MYO10: variants seen among roughly 807,000 people sequenced by gnomAD.
MYO10 encodes myosin X, also known as unconventional myosin-X.
Under a neutral mutation model 257.3 loss-of-function variants are expected in MYO10, and 133 were observed. The observed-to-expected ratio is 0.52, with a 90% CI of 0.45 to 0.60. The LOEUF is 0.60. Among genes scored for constraint, MYO10 ranks in the 20% least tolerant of loss-of-function variants. The pLI is 0.00. For synonymous variants in MYO10, 1,104 were observed against 1,028.6 expected (o/e 1.07, Z -1.40); for missense variants, 2,399 against 2,635.7 (o/e 0.91, Z 1.97).
At chr5:16,713,864 T>C (rs1738733884) in intron 19 of MYO10, among the ~76,000 whole-genome samples, 1 of 152,156 alleles carries the variant, frequency 6.6e-6, no homozygotes, top group Admixed American at 6.5e-5. Flanking sequence ...CACTGGTAAC[T>C]AACTAGTTTT....
In MYO10 at chr5:16,754,898, T is replaced by C. The variant is rs1381267798; in HGVS notation, c.1859A>G (p.His620Arg). 1.9e-6 allele frequency: 3 copies of C among 1,593,738 alleles called. No individual in the cohort carries two copies. Residue 620 changes from histidine to arginine, a missense_variant, in exon 19 of 41, where the codon CAT becomes CGT. Around this residue, in one of 3 missense-constraint regions of MYO10, gnomAD observed 1,820 missense variants for 1,939.4 expected, o/e 0.94. Coordinates refer to ENST00000513610, the MANE Select transcript of MYO10 (RefSeq NM_012334.3). ...GGAGCTTAGCGTTGCCATTAAGGAA[T>C]GCAGTGAGTCCTATTAGAAAAAGTA... is the stretch of plus-strand genomic sequence containing the variant. Reference protein sequence around the residue: ...TVSSQFKDSLHSLMATLSSSN... With the variant: ...TVSSQFKDSLRSLMATLSSSN...
chr5:16,766,186 G>C lies in MYO10; in HGVS notation c.1073C>G (p.Ser358Cys). 1 of 1,613,246 alleles carries C rather than the reference G, an allele frequency of 6.2e-7. No individual in the cohort carries two copies. Residue 358 changes from serine to cysteine, a missense_variant, in exon 11 of 41, where the codon TCT (serine) becomes TGT (cysteine). This residue lies in a region of MYO10 where 337 missense variants were observed against 446.8 expected (regional missense o/e 0.75). Coordinates refer to ENST00000513610, the MANE Select transcript of MYO10 (RefSeq NM_012334.3). Reference protein sequence around the residue: ...QVSFKTALGRSAELLGLDPTQ... With the variant: ...QVSFKTALGRCAELLGLDPTQ... ...TGGGTCCAGCCCAAGTAACTCCGCAGATCTGCCCAAAGCTGCAGAGAATAA... is the reference window on the plus strand; with the variant it reads ...TGGGTCCAGCCCAAGTAACTCCGCACATCTGCCCAAAGCTGCAGAGAATAA...
Position 16,780,862 on chromosome 5 carries a change from T to C in MYO10, c.728-121A>G, listed in dbSNP as rs1434489759. On this transcript the variant is annotated intron_variant, in intron 6 of 40. Transcript: ENST00000513610. Reference sequence around the variant, plus strand: ...ATTACAGTTCCCTGTTCCTTTGACATAGAAGCTTCCAGTGCCAACAGACAA... The same window carrying C: ...ATTACAGTTCCCTGTTCCTTTGACACAGAAGCTTCCAGTGCCAACAGACAA... 4.8e-6 allele frequency: 5 copies of C among 1,039,260 alleles called. No individual in the cohort carries two copies. The African/African-American group carries it at 4.9e-5, about 10-fold the overall frequency. 64.4% of individuals were successfully genotyped at this position (1,039,260 alleles called of 1,614,324 possible). A position where few individuals can be genotyped will look rare whatever the true frequency, so the allele number is the denominator to read the frequency against.
intron 9 of MYO10, among the ~76,000 whole-genome samples, chr5:16,774,408 CTTATTTA>C (rs1017780504): frequency 1.4e-4 from 21 of 152,048 alleles, no homozygotes; most frequent in Non-Finnish European, 2.8e-4. Flanking sequence ...CATCATGTTA[CTTATTTA>C]TTTATTTTTT....
rs556977818 is a variant in MYO10, at chr5:16,845,825, G to A, written c.121-27658C>T. ...CTAAAAATACAAAAATTAGCTGGGC[G>A]TGGTGGCACGCACCTGTAGTCCCAG... is the stretch of plus-strand genomic sequence containing the variant. On this transcript the variant is annotated intron_variant, in intron 2 of 40. Coordinates refer to ENST00000513610, the MANE Select transcript of MYO10 (RefSeq NM_012334.3). 5.3e-5 allele frequency among the ~76,000 whole-genome samples: 8 copies of A among 152,038 alleles called. No individual in the cohort carries two copies. In the East Asian group the frequency reaches 7.7e-4, roughly 15 times the overall value.
chr5:16,792,488 C>T (rs1741796221), intron 4 of MYO10, among the ~76,000 whole-genome samples: 1 of 152,158 alleles, frequency 6.6e-6, no homozygotes, highest in African/African-American at 2.4e-5. Context: ...TGGGATAATG[C>T]TAACATTCTC....
rs142159685 is a variant in MYO10 at position 16,761,696 on chromosome 5, G to A, written c.1657-150C>T. On this transcript the variant is annotated intron_variant, in intron 16 of 40. Coordinates refer to ENST00000513610, the MANE Select transcript of MYO10 (RefSeq NM_012334.3). ...GACAGGGTCTTGCTCTATTTCCCAGGCTGAAGTGCAGTGACGTGATCATAG... is the reference window on the plus strand; with the variant it reads ...GACAGGGTCTTGCTCTATTTCCCAGACTGAAGTGCAGTGACGTGATCATAG... The A allele has an allele frequency of 5.3e-4, 363 of 679,668 alleles. 4 individuals carry two copies. In the East Asian group the frequency reaches 6.7e-3, roughly 13 times the overall value. 42.1% of individuals were successfully genotyped at this position (679,668 alleles called of 1,614,324 possible).
chr5:16,863,198 C>T (rs1561024643), intron 2 of MYO10, among the ~76,000 whole-genome samples: 2 of 152,198 alleles, frequency 1.3e-5, no homozygotes, highest in Non-Finnish European at 2.9e-5. Flanking sequence ...CTCTCCCTTG[C>T]AAAATATTTA....
intron 21 of MYO10, among the ~76,000 whole-genome samples, chr5:16,708,777 G>A (rs1339001439): frequency 3.3e-5 from 5 of 152,064 alleles, no homozygotes; most frequent in African/African-American, 4.8e-5. Context: ...TTTCCAGGCT[G>A]GTCTCAGACT....
intron 18 of MYO10, among the ~76,000 whole-genome samples, chr5:16,756,263 G>A (rs1006848449): frequency 2.0e-4 from 31 of 152,056 alleles, no homozygotes; most frequent in African/African-American, 7.0e-4. Context: ...ATGAGGCCTC[G>A]CTATGTTGCC....
intron 27 of MYO10, among the ~76,000 whole-genome samples, chr5:16,694,039 T>C (rs572006270): frequency 1.2e-4 from 18 of 152,230 alleles, no homozygotes; most frequent in Non-Finnish European, 1.9e-4. Flanking sequence ...AAGTGATACA[T>C]TAACCCATAA....
chr5:16,800,296 G>C, intron 3 of MYO10, among the ~76,000 whole-genome samples: 1 of 152,154 alleles, frequency 6.6e-6, no homozygotes. Flanking sequence ...GGTGGGTCAT[G>C]ACTATAATCC....
intron 18 of MYO10, 127 bp from the exon 19 acceptor site, chr5:16,755,035 G>A (rs1740487886): frequency 2.1e-6 from 1 of 476,754 alleles, no homozygotes; most frequent in Non-Finnish European, 3.5e-6. Flanking sequence ...ATAACTTAGA[G>A]GTTTTCATTT....
At chr5:16,734,846 T>G (rs1210168609) in intron 19 of MYO10, among the ~76,000 whole-genome samples, 1 of 151,598 alleles carries the variant, frequency 6.6e-6, no homozygotes, top group Non-Finnish European at 1.5e-5. Context: ...CTTTCCATAA[T>G]GATGACTATG....
At chr5:16,897,849 C>T (rs1370527979) in intron 1 of MYO10, among the ~76,000 whole-genome samples, 1 of 152,212 alleles carries the variant, frequency 6.6e-6, no homozygotes. Flanking sequence ...GTAGCAACAG[C>T]AAACAATGCC....
At chr5:16,683,736 G>T (rs1737112778) in intron 30 of MYO10, 144 bp downstream of exon 30, 3 of 730,082 alleles carry the variant, frequency 4.1e-6, no homozygotes, top group Non-Finnish European at 6.8e-6. Context: ...AGGAAGACTG[G>T]ATTGCTGGGG....
intron 25 of MYO10, 132 bp downstream of exon 25, chr5:16,700,831 T>C: frequency 8.7e-7 from 1 of 1,147,152 alleles, no homozygotes; most frequent in East Asian, 2.6e-5. Context: ...AGGTTTAAGA[T>C]GATCTCTAAG....
chr5:16,676,086 A>G lies in MYO10; in HGVS notation c.4611T>C (p.His1537=). Residue 1537 remains histidine, a synonymous_variant, in exon 34 of 41, where the codon CAT becomes CAC. Coordinates refer to ENST00000513610, the MANE Select transcript of MYO10 (RefSeq NM_012334.3). ...YKRNPILRYT[H]HPLHSPLLPL... ...GCAGGAGCGGGGAGTGCAAGGGGTG[A>G]TGGGTGTATCGAAGGATCGGGTTCC... 1 of 1,613,524 alleles carries G rather than the reference A, an allele frequency of 6.2e-7. No individual in the cohort carries two copies. Among genetic ancestry groups the G allele is most frequent in the Middle Eastern group, 1.7e-4 (1 of 6,056 alleles).
chr5:16,858,460 CGA>C (rs1179447235), intron 2 of MYO10, among the ~76,000 whole-genome samples: 3 of 130,676 alleles, frequency 2.3e-5, no homozygotes, highest in African/African-American at 3.3e-5. Flanking sequence ...AAAAAAAAAT[CGA>C]GGTTTAATTT....
Sources: allele counts gnomAD v4.1 joint callset (sites outside exome capture counted in the v4.1 genomes callset), GRCh38; gene constraint gnomAD v4.1.1; regional missense constraint gnomAD v4.1.1; transcripts MANE v1.5; gene names NCBI Gene and HGNC (gene_info 2026-07-23, HGNC 2026-07-21).